HIPK3: variants seen among roughly 807,000 people sequenced by gnomAD.
HIPK3 encodes homeodomain interacting protein kinase 3.
Under a neutral mutation model 124.2 loss-of-function variants are expected in HIPK3, and 47 were observed. The ratio of observed to expected loss-of-function variants is 0.38; its 90% confidence interval spans 0.30 to 0.48. The LOEUF is 0.48. HIPK3 is among the 20% of genes least tolerant of loss of function. The pLI is 0.98. For missense variants in HIPK3, 1,286 were observed against 1,454.3 expected (o/e 0.88, Z 1.88); for synonymous variants, 482 against 515.2 (o/e 0.94, Z 0.87).
At chr11:33,262,602 CAGTTA>C (rs1235524589) in intron 1 of HIPK3, among the ~76,000 whole-genome samples, 5 of 152,170 alleles carry the variant, frequency 3.3e-5, no homozygotes, top group South Asian at 2.1e-4. Flanking sequence ...GGTTTGGAGA[CAGTTA>C]AGTTATTAAG....
At chr11:33,315,479 C>G (rs560789849) in intron 2 of HIPK3, among the ~76,000 whole-genome samples, 1 of 152,326 alleles carries the variant, frequency 6.6e-6, no homozygotes, top group Non-Finnish European at 1.5e-5. Flanking sequence ...CCTGCCTCGG[C>G]CTCCCAAGGT....
intron 1 of HIPK3, among the ~76,000 whole-genome samples, chr11:33,260,990 TC>T (rs34683868): frequency 6.7e-6 from 1 of 150,316 alleles, no homozygotes; most frequent in Non-Finnish European, 1.5e-5. Flanking sequence ...AAGGTATTAT[TC>T]CCCCCCAACA....
intron 7 of HIPK3, 146 bp downstream of exon 7, chr11:33,341,273 A>G (rs1853325959): frequency 1.6e-6 from 1 of 611,074 alleles, no homozygotes; most frequent in South Asian, 3.2e-5. Flanking sequence ...AAATCTCTTA[A>G]AATTCCAAGG....
intron 8 of HIPK3, among the ~76,000 whole-genome samples, chr11:33,346,568 G>A (rs1853499368): frequency 6.6e-6 from 1 of 152,088 alleles, no homozygotes; most frequent in South Asian, 2.1e-4. Flanking sequence ...AGATAACTAA[G>A]CATAGCTAAA....
At chr11:33,280,045 A>T (rs1038007155) in intron 1 of HIPK3, among the ~76,000 whole-genome samples, 3 of 152,206 alleles carry the variant, frequency 2.0e-5, no homozygotes, top group Non-Finnish European at 4.4e-5. Context: ...GGGGGGACAC[A>T]AACATTCAGA....
intron 1 of HIPK3, among the ~76,000 whole-genome samples, chr11:33,261,333 A>G (rs974174497): frequency 1.3e-5 from 2 of 151,924 alleles, no homozygotes; most frequent in African/African-American, 4.8e-5. Context: ...CCTAGTGCCC[A>G]ATAGTTATTT....
chr11:33,320,393 G>C (rs1852629027), intron 2 of HIPK3, among the ~76,000 whole-genome samples: 1 of 152,154 alleles, frequency 6.6e-6, no homozygotes, highest in Non-Finnish European at 1.5e-5. Context: ...AGTAAAGGTG[G>C]TTACATTGTG....
chr11:33,320,618 G>A (rs1158220943), intron 2 of HIPK3, among the ~76,000 whole-genome samples: 1 of 152,156 alleles, frequency 6.6e-6, no homozygotes, highest in Non-Finnish European at 1.5e-5. Context: ...AGTAAAGGTA[G>A]TTACATTCTG....
intron 4 of HIPK3, among the ~76,000 whole-genome samples, chr11:33,338,172 A>G (rs2133982261): frequency 6.6e-6 from 1 of 152,342 alleles, no homozygotes; most frequent in South Asian, 2.1e-4. Flanking sequence ...ACATATCCCA[A>G]GTGTGCTAGG....
chr11:33,287,609 A>C, intron 2 of HIPK3, 98 bp downstream of exon 2: 1 of 1,278,104 alleles, frequency 7.8e-7, no homozygotes, highest in South Asian at 1.5e-5. Flanking sequence ...AGACCACTTC[A>C]GTTAAATAAG....
chr11:33,354,322 G>T lies in HIPK3; in HGVS notation c.*754G>T, dbSNP rs1217464433. 6.6e-6 allele frequency: 1 copy of T among 152,564 alleles called. No individual in the cohort carries two copies. Among genetic ancestry groups the T allele is most frequent in the Non-Finnish European group, 1.5e-5 (1 of 68,018 alleles). The allele number at this position is 152,564 out of a possible 1,614,324, so 9.5% of individuals were successfully genotyped here. A position where few individuals can be genotyped will look rare whatever the true frequency, so the allele number is the denominator to read the frequency against. ...TTGCTATAGCTGAATTCTGCTGTCT[G>T]ATTTTTCAGAATGATCTAGCTTCAA... is the stretch of plus-strand genomic sequence containing the variant. On this transcript the variant is annotated 3_prime_UTR_variant, in exon 17 of 17. Transcript: ENST00000303296.
At chr11:33,302,722 A>T (rs1220862317) in intron 2 of HIPK3, among the ~76,000 whole-genome samples, 2 of 152,202 alleles carry the variant, frequency 1.3e-5, no homozygotes, top group Non-Finnish European at 2.9e-5. Context: ...ATAATAATAT[A>T]ATCAAATTTG....
chr11:33,346,612 G>A (rs943159173), intron 8 of HIPK3, among the ~76,000 whole-genome samples: 1 of 152,156 alleles, frequency 6.6e-6, no homozygotes, highest in African/African-American at 2.4e-5. Flanking sequence ...TCACCTGCTA[G>A]GTTGTCAGCA....
At chr11:33,302,720 A>G (rs554013993) in intron 2 of HIPK3, among the ~76,000 whole-genome samples, 35 of 152,326 alleles carry the variant, frequency 2.3e-4, no homozygotes, top group African/African-American at 8.4e-4. Flanking sequence ...GAATAATAAT[A>G]TAATCAAATT....
chr11:33,338,060 A>G (rs1853210976), intron 4 of HIPK3, among the ~76,000 whole-genome samples: 1 of 152,104 alleles, frequency 6.6e-6, no homozygotes, highest in African/African-American at 2.4e-5. Flanking sequence ...TCTTAAATTA[A>G]AAAAACTTTT....
At chr11:33,350,385 G>A (rs1853621268) in intron 14 of HIPK3, among the ~76,000 whole-genome samples, 2 of 152,028 alleles carry the variant, frequency 1.3e-5, no homozygotes, top group East Asian at 3.9e-4. Flanking sequence ...ATAAGCCACA[G>A]TCTAGGCACA....
chr11:33,322,369 G>A (rs1204353883), intron 2 of HIPK3, among the ~76,000 whole-genome samples: 1 of 152,164 alleles, frequency 6.6e-6, no homozygotes, highest in Non-Finnish European at 1.5e-5. Context: ...GGAATTGCAT[G>A]CATGATCCAT....
intron 2 of HIPK3, 63 bp downstream of exon 2, chr11:33,287,574 C>A: frequency 6.6e-7 from 1 of 1,522,194 alleles, no homozygotes; most frequent in South Asian, 1.3e-5. Flanking sequence ...AAATGAAATA[C>A]TTTTGTGTGT....
chr11:33,320,753 G>T (rs1363850360), intron 2 of HIPK3, among the ~76,000 whole-genome samples: 1 of 152,182 alleles, frequency 6.6e-6, no homozygotes, highest in Admixed American at 6.5e-5. Context: ...GGACAGAATT[G>T]TCGTTTACTG....
Sources: gnomAD v4.1 joint callset for allele counts (sites outside exome capture counted in the v4.1 genomes callset) on GRCh38, gnomAD v4.1.1 for gene constraint, MANE v1.5 for transcripts, NCBI Gene and HGNC (gene_info 2026-07-23, HGNC 2026-07-21) for gene names.